The following SERPINI1 variants were observed in gnomAD, a reference collection of about 807,000 sequenced individuals.
SERPINI1 encodes serpin family I member 1.
Under a neutral mutation model 41.1 loss-of-function variants are expected in SERPINI1, and 19 were observed. That is an observed-to-expected ratio of 0.46 (90% CI 0.32 to 0.68). The LOEUF (loss-of-function observed/expected upper bound fraction) is 0.68. Among genes scored for constraint, SERPINI1 ranks in the 30% least tolerant of loss-of-function variants. The pLI is 0.03. For synonymous variants in SERPINI1, 138 were observed against 156.6 expected (o/e 0.88, Z 0.89); for missense variants, 460 against 479.2 (o/e 0.96, Z 0.37).
intron 1 of SERPINI1, among the ~76,000 whole-genome samples, chr3:167,745,138 T>G (rs1361449998): frequency 2.6e-5 from 4 of 151,330 alleles, no homozygotes; most frequent in Non-Finnish European, 5.9e-5. Flanking sequence ...TGAGACCAAC[T>G]TAAGAAATAG....
At chr3:167,737,282 A>G (rs1205982876) in intron 1 of SERPINI1, among the ~76,000 whole-genome samples, 1 of 152,124 alleles carries the variant, frequency 6.6e-6, no homozygotes, top group Non-Finnish European at 1.5e-5. Flanking sequence ...CAGATAGATC[A>G]TAGAAAAACA....
At chr3:167,817,813 G>A (rs1040816855) in intron 6 of SERPINI1, among the ~76,000 whole-genome samples, 12 of 151,498 alleles carry the variant, frequency 7.9e-5, no homozygotes, top group Admixed American at 2.6e-4. Context: ...GTTAGCCAGG[G>A]TGGTCCCGAT....
intron 1 of SERPINI1, among the ~76,000 whole-genome samples, chr3:167,769,783 G>C (rs1726682494): frequency 6.6e-6 from 1 of 151,866 alleles, no homozygotes; most frequent in Non-Finnish European, 1.5e-5. Flanking sequence ...TGAAAAGTTT[G>C]ACCATGTTTT....
chr3:167,773,116 T>C (rs1726846243), intron 1 of SERPINI1, among the ~76,000 whole-genome samples: 1 of 151,680 alleles, frequency 6.6e-6, no homozygotes, highest in Admixed American at 6.6e-5. Flanking sequence ...ATGACTATTC[T>C]GAGAACTTTC....
Position 167,772,823 on chromosome 3 carries a change from A to ACTCACTCTCT in SERPINI1, c.-18-16285_-18-16284insACTCTCTCTC, listed in dbSNP as rs1307269527. 8.0e-4 allele frequency among the ~76,000 whole-genome samples: 19 copies of ACTCACTCTCT among 23,654 alleles called. 1 individual carries two copies. Among genetic ancestry groups the ACTCACTCTCT allele is most frequent in the African/African-American group, 2.5e-3 (17 of 6,840 alleles). The allele number at this position is 23,654 out of a possible 152,430, so 15.5% of individuals were successfully genotyped here. A position where few individuals can be genotyped will look rare whatever the true frequency, so the allele number is the denominator to read the frequency against. On this transcript the variant is annotated intron_variant, in intron 1 of 8. Coordinates refer to ENST00000446050, the MANE Select transcript of SERPINI1 (RefSeq NM_001122752.2). Reference sequence around the variant, plus strand: ...ATTCCAGCCTGGGCAGTATCTTGAGACTCTCTCTCTCTCTCTCTCTCTCTC... The same window carrying ACTCACTCTCT: ...ATTCCAGCCTGGGCAGTATCTTGAGACTCACTCTCTCTCTCTCTCTCTCTCTCTCTCTCTC...
At chr3:167,821,396 C>A (rs1712322001) in intron 6 of SERPINI1, among the ~76,000 whole-genome samples, 1 of 152,208 alleles carries the variant, frequency 6.6e-6, no homozygotes, top group Admixed American at 6.5e-5. Context: ...CAAACGCCAC[C>A]ACATTTCCTG....
At chr3:167,774,169 T>G (rs1726887678) in intron 1 of SERPINI1, among the ~76,000 whole-genome samples, 1 of 152,198 alleles carries the variant, frequency 6.6e-6, no homozygotes, top group South Asian at 2.1e-4. Context: ...CATATGAAAG[T>G]TCTCATCTTC....
At chr3:167,798,471 T>A (rs1002729308) in intron 5 of SERPINI1, among the ~76,000 whole-genome samples, 6 of 152,206 alleles carry the variant, frequency 3.9e-5, no homozygotes, top group African/African-American at 1.4e-4. Flanking sequence ...TTCTCCATTT[T>A]ACAGCATTAG....
intron 1 of SERPINI1, among the ~76,000 whole-genome samples, chr3:167,769,258 C>A (rs1000077819): frequency 4.6e-5 from 7 of 152,172 alleles, no homozygotes; most frequent in Non-Finnish European, 1.0e-4. Context: ...TCTCAAAGTG[C>A]TGGGATTACA....
intron 1 of SERPINI1, among the ~76,000 whole-genome samples, chr3:167,774,336 C>A (rs1726893006): frequency 6.6e-6 from 1 of 152,064 alleles, no homozygotes; most frequent in Non-Finnish European, 1.5e-5. Flanking sequence ...TCCCATTAGC[C>A]TAATTCATCT....
chr3:167,771,481 A>G (rs1162937084), intron 1 of SERPINI1, among the ~76,000 whole-genome samples: 1 of 152,210 alleles, frequency 6.6e-6, no homozygotes, highest in Non-Finnish European at 1.5e-5. Flanking sequence ...TATATACATA[A>G]GATATCTCTG....
intron 4 of SERPINI1, among the ~76,000 whole-genome samples, chr3:167,793,830 C>T (rs1727616715): frequency 1.0e-5 from 1 of 95,530 alleles, no homozygotes; most frequent in African/African-American, 5.6e-5. Flanking sequence ...TTCATTTTGG[C>T]CATATGTATG....
chr3:167,799,566 G>A (rs190670121), intron 5 of SERPINI1, among the ~76,000 whole-genome samples: 75 of 152,270 alleles, frequency 4.9e-4, no homozygotes, highest in Middle Eastern at 3.4e-3. Flanking sequence ...CCAGTAATGG[G>A]ATTGCTGGGT....
At position 167,762,467 on chromosome 3, in the gene SERPINI1, T is replaced by G. The variant is rs190087376; in HGVS notation, c.-19+26644T>G. 4.5e-3 allele frequency among the ~76,000 whole-genome samples: 692 copies of G among 152,282 alleles called. 3 individuals carry two copies. The highest frequency in any genetic ancestry group is 7.9e-3 in the Non-Finnish European group (534 of 68,010). ...AGTTTTCTTTGCTCAGTTTCTAAAT[T>G]TTTGTTCCCCATTCTTCCTTAACTC... On this transcript the variant is annotated intron_variant, in intron 1 of 8. Transcript: ENST00000446050.
intron 1 of SERPINI1, among the ~76,000 whole-genome samples, chr3:167,778,463 A>T (rs1158432978): frequency 6.6e-6 from 1 of 152,196 alleles, no homozygotes; most frequent in Admixed American, 6.5e-5. Flanking sequence ...GGATGAAATC[A>T]TAGGAGATTC....
intron 1 of SERPINI1, among the ~76,000 whole-genome samples, chr3:167,764,433 T>A (rs1726492469): frequency 6.6e-6 from 1 of 152,108 alleles, no homozygotes; most frequent in South Asian, 2.1e-4. Context: ...GAACTCCTCT[T>A]TTTAAAACTA....
At chr3:167,798,968 G>C (rs1029931615) in intron 5 of SERPINI1, among the ~76,000 whole-genome samples, 1 of 152,010 alleles carries the variant, frequency 6.6e-6, no homozygotes, top group Non-Finnish European at 1.5e-5. Flanking sequence ...ACCTACATAC[G>C]TATCCCTTGA....
chr3:167,744,624 T>C (rs1725788597), intron 1 of SERPINI1, among the ~76,000 whole-genome samples: 1 of 137,880 alleles, frequency 7.3e-6, no homozygotes, highest in African/African-American at 2.7e-5. Flanking sequence ...TAACTATATT[T>C]AAATATTTTA....
chr3:167,790,355 C>A lies in SERPINI1; in HGVS notation c.251-17C>A. On this transcript the variant is annotated splice_polypyrimidine_tract_variant and intron_variant, in intron 2 of 8. Coordinates refer to ENST00000446050, the MANE Select transcript of SERPINI1 (RefSeq NM_001122752.2). Reference sequence around the variant, plus strand: ...GTGTTTGTTCTACAAATAAACTTATCCTTTCTCATCTTTCAGGTGAAGAAT... The same window carrying A: ...GTGTTTGTTCTACAAATAAACTTATACTTTCTCATCTTTCAGGTGAAGAAT... 6.5e-7 allele frequency: 1 copy of A among 1,533,238 alleles called. No individual in the cohort carries two copies. The highest frequency in any genetic ancestry group is 1.1e-5 in the South Asian group (1 of 89,192). The allele number at this position is 1,533,238 out of a possible 1,614,324, so 95.0% of individuals were successfully genotyped here. A position where few individuals can be genotyped will look rare whatever the true frequency, so the allele number is the denominator to read the frequency against.
Sources: gnomAD v4.1 joint callset for allele counts (sites outside exome capture counted in the v4.1 genomes callset) on GRCh38, gnomAD v4.1.1 for gene constraint, MANE v1.5 for transcripts, NCBI Gene and HGNC (gene_info 2026-07-23, HGNC 2026-07-21) for gene names.